SHISA9: variants seen among roughly 807,000 people sequenced by gnomAD.
SHISA9 encodes the protein protein shisa-9.
Under a neutral mutation model 38.0 loss-of-function variants are expected in SHISA9, and 13 were observed. The ratio of observed to expected loss-of-function variants is 0.34; its 90% CI spans 0.22 to 0.54. The LOEUF (loss-of-function observed/expected upper bound fraction) is 0.54. Among genes scored for constraint, SHISA9 ranks in the 20% least tolerant of loss-of-function variants. SHISA9 has a pLI of 0.91. For missense variants in SHISA9, 538 were observed against 575.8 expected (o/e 0.93, Z 0.67); for synonymous variants, 275 against 242.0 (o/e 1.14, Z -1.27).
intron 2 of SHISA9, among the ~76,000 whole-genome samples, chr16:12,971,347 G>A (rs929749667): frequency 1.3e-5 from 2 of 152,210 alleles, no homozygotes; most frequent in Admixed American, 1.3e-4. Context: ...TCGGAGCACA[G>A]ATGGGGAAGG....
chr16:13,343,968 A>G, the SHISA9 span, among the ~76,000 whole-genome samples: 1 of 152,200 alleles, frequency 6.6e-6, no homozygotes, highest in African/African-American at 2.4e-5. Context: ...CATTGTTGTT[A>G]TAGGACAAAA....
At chr16:13,240,673 C>G (rs919774563), downstream of SHISA9, among the ~76,000 whole-genome samples, 1 of 152,168 alleles carries the variant, frequency 6.6e-6, no homozygotes, top group African/African-American at 2.4e-5. Context: ...TCTATTGTTG[C>G]TAGGTTTCCT....
intron 2 of SHISA9, among the ~76,000 whole-genome samples, chr16:13,026,133 A>C (rs2072919024): frequency 6.6e-6 from 1 of 152,224 alleles, no homozygotes; most frequent in Non-Finnish European, 1.5e-5. Flanking sequence ...ATAATACAGT[A>C]TTGTTAACTA....
At chr16:13,371,948 C>T in the SHISA9 span, among the ~76,000 whole-genome samples, 3 of 152,232 alleles carry the variant, frequency 2.0e-5, no homozygotes, top group Admixed American at 2.0e-4. Context: ...TAGGCAACAC[C>T]CGTGCCACCC....
intron 4 of SHISA9, among the ~76,000 whole-genome samples, chr16:13,228,884 G>C (rs1261469145): frequency 1.3e-5 from 2 of 152,126 alleles, no homozygotes. Context: ...ACTGAGGCCA[G>C]GTGTGGTGGC....
At position 12,908,942 on chromosome 16, in the gene SHISA9, A is replaced by G. The variant is rs549396936; in HGVS notation, c.563+6315A>G. 1,375 of 1,005,894 alleles carry G rather than the reference A, an allele frequency of 1.4e-3. 2 individuals carry two copies. The highest frequency in any genetic ancestry group is 1.5e-3 in the Middle Eastern group (3 of 1,988). The allele number at this position is 1,005,894 out of a possible 1,614,324, so 62.3% of individuals were successfully genotyped here. Reference sequence around the variant, plus strand: ...TAAGGGTCCTGTGTGTTTTTAAAACATGCTTCAGAAGAACTGGCACCCCTT... The same window carrying G: ...TAAGGGTCCTGTGTGTTTTTAAAACGTGCTTCAGAAGAACTGGCACCCCTT... On this transcript the variant is annotated intron_variant, in intron 1 of 4. Coordinates refer to ENST00000558583, the MANE Select transcript of SHISA9 (RefSeq NM_001145204.3).
chr16:13,548,915 T>A, the SHISA9 span, among the ~76,000 whole-genome samples: 2 of 152,332 alleles, frequency 1.3e-5, no homozygotes, highest in Non-Finnish European at 2.9e-5. Flanking sequence ...TGCACTCTCA[T>A]GTTTATTGCA....
At chr16:13,171,466 G>C (rs976143092) in intron 2 of SHISA9, among the ~76,000 whole-genome samples, 1 of 150,352 alleles carries the variant, frequency 6.7e-6, no homozygotes, top group Non-Finnish European at 1.5e-5. Context: ...GTGAATGACA[G>C]GCCATTGATA....
chr16:13,402,443 C>A, the SHISA9 span, among the ~76,000 whole-genome samples: 9 of 152,156 alleles, frequency 5.9e-5, no homozygotes, highest in African/African-American at 2.2e-4. Context: ...ATTCACCCTT[C>A]CTCCGCTTTT....
chr16:13,341,332 A>G, the SHISA9 span, among the ~76,000 whole-genome samples: 1 of 152,016 alleles, frequency 6.6e-6, no homozygotes, highest in Non-Finnish European at 1.5e-5. Context: ...TCAATAAAAG[A>G]CCCTCAACAT....
the SHISA9 span, among the ~76,000 whole-genome samples, chr16:13,290,850 GCGTT>G: frequency 6.6e-6 from 1 of 152,152 alleles, no homozygotes; most frequent in South Asian, 2.1e-4. Flanking sequence ...GAGGATCAGA[GCGTT>G]CATTTTACTC....
At chr16:13,537,867 G>A in the SHISA9 span, among the ~76,000 whole-genome samples, 1 of 152,136 alleles carries the variant, frequency 6.6e-6, no homozygotes, top group African/African-American at 2.4e-5. Context: ...AAATTATGCA[G>A]AGGAAAAACG....
chr16:13,277,162 T>C, the SHISA9 span, among the ~76,000 whole-genome samples: 1 of 152,176 alleles, frequency 6.6e-6, no homozygotes, highest in Admixed American at 6.6e-5. Context: ...CACCATTTGT[T>C]GAAAAGGGTG....
intron 2 of SHISA9, among the ~76,000 whole-genome samples, chr16:12,947,061 G>A (rs545460277): frequency 2.6e-5 from 4 of 152,318 alleles, no homozygotes; most frequent in Admixed American, 6.5e-5. Flanking sequence ...TGGTCGAGGG[G>A]AATAAGAGAA....
the SHISA9 span, among the ~76,000 whole-genome samples, chr16:13,459,430 A>G: frequency 6.6e-6 from 1 of 152,276 alleles, no homozygotes. Context: ...AGGGAGTGGT[A>G]TCAGTAGAAG....
chr16:13,333,330 T>C, the SHISA9 span, among the ~76,000 whole-genome samples: 1 of 152,160 alleles, frequency 6.6e-6, no homozygotes, highest in Non-Finnish European at 1.5e-5. Flanking sequence ...CAGAGGAGGC[T>C]GGTTTGAGTA....
chr16:13,173,563 C>T (rs558181439), intron 2 of SHISA9, among the ~76,000 whole-genome samples: 5 of 152,158 alleles, frequency 3.3e-5, no homozygotes, highest in African/African-American at 9.6e-5. Context: ...AATTTTGCTC[C>T]CCACCCCTAT....
chr16:13,230,601 T>C (rs182274349), intron 4 of SHISA9, among the ~76,000 whole-genome samples: 201 of 152,240 alleles, frequency 1.3e-3, no homozygotes, highest in Non-Finnish European at 2.2e-3. Context: ...ATGGCCACCT[T>C]TGTTACGGGA....
chr16:13,260,007 C>CTCTTTTTTTTTTTTTT, the SHISA9 span, among the ~76,000 whole-genome samples: 10 of 60,446 alleles, frequency 1.7e-4, no homozygotes, highest in Admixed American at 2.8e-4. Context: ...TTCTTTCTTT[C>CTCTTTTTTTTTTTTTT]TTTTTTTTTT....
Sources: allele counts gnomAD v4.1 joint callset (sites outside exome capture counted in the v4.1 genomes callset), GRCh38; gene constraint gnomAD v4.1.1; transcripts MANE v1.5; gene names NCBI Gene and HGNC (gene_info 2026-07-23, HGNC 2026-07-21).